Variants in RAD51B observed in about 807,000 individuals in gnomAD.
RAD51B encodes the protein RAD51 paralog B.
In RAD51B, 38 loss-of-function variants were observed where a neutral mutation model predicts 42.2. The ratio of observed to expected loss-of-function variants is 0.90; its 90% CI spans 0.70 to 1.18. The LOEUF (loss-of-function observed/expected upper bound fraction) is 1.18. Among genes scored for constraint, RAD51B ranks in the 50% most tolerant of loss-of-function variants. The pLI is 0.00. For synonymous variants in RAD51B, 154 were observed against 145.2 expected (o/e 1.06, Z -0.43); for missense variants, 373 against 400.7 (o/e 0.93, Z 0.59).
At chr14:67,932,132 CTCCT>C (rs1289256096) in intron 7 of RAD51B, among the ~76,000 whole-genome samples, 2 of 152,122 alleles carry the variant, frequency 1.3e-5, no homozygotes, top group Non-Finnish European at 2.9e-5. Context: ...TCCTCCCTCC[CTCCT>C]ACCTCATGTA....
intron 7 of RAD51B, among the ~76,000 whole-genome samples, chr14:68,155,566 C>G (rs2078485172): frequency 6.6e-6 from 1 of 151,996 alleles, no homozygotes; most frequent in Non-Finnish European, 1.5e-5. Flanking sequence ...TTGGGCTTCA[C>G]TGGGGAACCA....
At chr14:68,358,480 A>AC (rs2082953181) in intron 8 of RAD51B, among the ~76,000 whole-genome samples, 1 of 152,224 alleles carries the variant, frequency 6.6e-6, no homozygotes, top group Non-Finnish European at 1.5e-5. Flanking sequence ...CATGACCATC[A>AC]GCAGTGTTTG....
intron 8 of RAD51B, among the ~76,000 whole-genome samples, chr14:68,346,831 C>T (rs905488425): frequency 6.6e-6 from 1 of 152,188 alleles, no homozygotes; most frequent in African/African-American, 2.4e-5. Flanking sequence ...CCAGTAAACA[C>T]ATACACTAGA....
At chr14:68,033,559 G>T (rs2076078567) in intron 7 of RAD51B, among the ~76,000 whole-genome samples, 1 of 152,132 alleles carries the variant, frequency 6.6e-6, no homozygotes, top group Non-Finnish European at 1.5e-5. Context: ...TAGAAGTTGA[G>T]TTGAGATAAA....
chr14:68,108,848 A>G (rs182953801), intron 7 of RAD51B, among the ~76,000 whole-genome samples: 5 of 152,070 alleles, frequency 3.3e-5, no homozygotes, highest in Non-Finnish European at 4.4e-5. Flanking sequence ...GATTTAGTCC[A>G]CCACTTCAAT....
rs115183561 is a variant in RAD51B, at chr14:68,560,782, G to A, written c.1037-33703G>A. Among the ~76,000 whole-genome samples, 156 of 150,196 alleles carry A rather than the reference G, an allele frequency of 1.0e-3. 1 individual carries two copies. Among genetic ancestry groups the A allele is most frequent in the African/African-American group, 3.6e-3 (147 of 40,842 alleles). On this transcript the variant is annotated intron_variant, in intron 10 of 10. Transcript: ENST00000487270. ...AGAAGCACTGACCTGGCCTCCCCCC[G>A]CCCCACACACACTTCTGCCCCAGGA...
intron 7 of RAD51B, among the ~76,000 whole-genome samples, chr14:68,064,471 G>A (rs2140449542): frequency 6.6e-6 from 1 of 152,144 alleles, no homozygotes; most frequent in East Asian, 1.9e-4. Context: ...TGAGCTTCCT[G>A]GATTTAGATG....
At chr14:68,131,564 C>T (rs1018669843) in intron 7 of RAD51B, among the ~76,000 whole-genome samples, 51 of 152,130 alleles carry the variant, frequency 3.4e-4, no homozygotes, top group African/African-American at 1.1e-3. Flanking sequence ...GGCGTGGTGT[C>T]ATGCGTCTAT....
intron 8 of RAD51B, among the ~76,000 whole-genome samples, chr14:68,322,044 G>T (rs992942324): frequency 1.3e-4 from 20 of 152,126 alleles, no homozygotes; most frequent in African/African-American, 4.6e-4. Flanking sequence ...AAAGTGCTGG[G>T]ATTACAGCCA....
chr14:67,871,477 A>G (rs1432725948), intron 5 of RAD51B, among the ~76,000 whole-genome samples: 4 of 152,060 alleles, frequency 2.6e-5, no homozygotes, highest in Non-Finnish European at 4.4e-5. Context: ...TCCAGGACTA[A>G]ATGGATTCAC....
At chr14:68,641,859 C>G (rs1892469165) in intron 10 of RAD51B, among the ~76,000 whole-genome samples, 2 of 122,044 alleles carry the variant, frequency 1.6e-5, no homozygotes, top group African/African-American at 5.4e-5. Flanking sequence ...CCATGCCTGG[C>G]TGGGATTTTT....
chr14:68,247,644 T>C (rs1436291060), intron 7 of RAD51B, among the ~76,000 whole-genome samples: 1 of 152,218 alleles, frequency 6.6e-6, no homozygotes, highest in African/African-American at 2.4e-5. Context: ...CGGAACATAA[T>C]TTTAAGGAGA....
intron 11 of RAD51B, among the ~76,000 whole-genome samples, chr14:68,655,586 C>T (rs1352885775): frequency 6.6e-6 from 1 of 152,220 alleles, no homozygotes; most frequent in Non-Finnish European, 1.5e-5. Context: ...CTGAGGTCTT[C>T]TTGTGCAGCC....
Position 67,944,782 on chromosome 14 carries a change from T to C in RAD51B, c.756+57578T>C, listed in dbSNP as rs1217343211. 2.0e-5 allele frequency among the ~76,000 whole-genome samples: 3 copies of C among 152,226 alleles called. 1 individual carries two copies. Among genetic ancestry groups the C allele is most frequent in the Non-Finnish European group, 4.4e-5 (3 of 68,030 alleles). On this transcript the variant is annotated intron_variant, in intron 7 of 10. Transcript: ENST00000471583. The stretch of plus-strand genomic sequence containing the variant: ...AAAGTTGTATTTTTTGAGCACTTAC[T>C]GTGTGCCAGGCAAGCTAACCACTGG...
intron 7 of RAD51B, among the ~76,000 whole-genome samples, chr14:68,115,311 G>A (rs9671238): frequency 1.6e-5 from 2 of 123,448 alleles, no homozygotes; most frequent in Non-Finnish European, 3.1e-5. Flanking sequence ...AACCAAACAC[G>A]GCATATTCTC....
chr14:68,499,103 A>G (rs986534082), intron 10 of RAD51B, among the ~76,000 whole-genome samples: 1 of 152,170 alleles, frequency 6.6e-6, no homozygotes, highest in Non-Finnish European at 1.5e-5. Context: ...TTCAGCACTG[A>G]GAGAATGATG....
At chr14:68,583,150 A>C (rs1021611202) in intron 10 of RAD51B, among the ~76,000 whole-genome samples, 6 of 152,172 alleles carry the variant, frequency 3.9e-5, no homozygotes, top group African/African-American at 1.4e-4. Flanking sequence ...AAAGTATAAT[A>C]AAAAATAAAA....
intron 7 of RAD51B, among the ~76,000 whole-genome samples, chr14:68,021,729 T>A (rs2075870138): frequency 6.6e-6 from 1 of 152,188 alleles, no homozygotes; most frequent in Non-Finnish European, 1.5e-5. Context: ...AACACAAAAT[T>A]TTTTGTTTCC....
chr14:68,245,800 G>A (rs1469700424), intron 7 of RAD51B, among the ~76,000 whole-genome samples: 1 of 152,158 alleles, frequency 6.6e-6, no homozygotes, highest in East Asian at 1.9e-4. Flanking sequence ...TGAGGTGGAG[G>A]TAGGGTTCAC....
Sources: allele counts gnomAD v4.1 joint callset (sites outside exome capture counted in the v4.1 genomes callset), GRCh38; gene constraint gnomAD v4.1.1; transcripts MANE v1.5; gene names NCBI Gene and HGNC (gene_info 2026-07-23, HGNC 2026-07-21).